PCDH7: variants seen among roughly 807,000 people sequenced by gnomAD.
PCDH7 encodes the protein protocadherin-7.
Under a neutral mutation model 58.9 loss-of-function variants are expected in PCDH7, and 17 were observed. The observed-to-expected ratio is 0.29, with a 90% CI of 0.20 to 0.43. PCDH7 has a LOEUF of 0.43. Among genes scored for constraint, PCDH7 ranks in the 20% least tolerant of loss-of-function variants. The probability of loss-of-function intolerance (pLI) is 1.00; values close to 1 mark genes in which losing one functional copy is unlikely to be tolerated. For synonymous variants in PCDH7, 664 were observed against 616.4 expected (o/e 1.08, Z -1.14); for missense variants, 1,274 against 1,441.0 (o/e 0.88, Z 1.88).
At chr4:30,974,237 T>TC in intron 3 of PCDH7, among the ~76,000 whole-genome samples, 3 of 140,498 alleles carry the variant, frequency 2.1e-5, no homozygotes, top group African/African-American at 8.3e-5. Flanking sequence ...TCTTTCTTTT[T>TC]CTTTCTTTCT....
intron 1 of PCDH7, among the ~76,000 whole-genome samples, chr4:30,790,410 T>C (rs1723964736): frequency 6.6e-6 from 1 of 152,136 alleles, no homozygotes; most frequent in Admixed American, 6.5e-5. Flanking sequence ...GAGGTCACAC[T>C]CAACAGGAGG....
rs397971918 is a variant in PCDH7 at position 30,927,861 on chromosome 4, A to AC, written c.287+7494dup. Among the ~76,000 whole-genome samples the AC allele has an allele frequency of 9.5e-4, 144 of 151,648 alleles. 3 individuals carry two copies. The South Asian group carries it at 0.019, about 20-fold the overall frequency. On this transcript the variant is annotated intron_variant, in intron 2 of 3. Coordinates refer to the PCDH7 transcript ENST00000509759. ...CACCCAAGAATGATCAATAAAAAAA[A>AC]CCAAAAAACAAAAAAACCTTGTGCT...
chr4:30,734,989 T>C (rs1265147309), downstream of PCDH7, among the ~76,000 whole-genome samples: 1 of 152,050 alleles, frequency 6.6e-6, no homozygotes, highest in Non-Finnish European at 1.5e-5. Flanking sequence ...CGGTAGCACA[T>C]GGGCAATTCT....
chr4:30,895,985 T>C (rs1270590227), intron 1 of PCDH7, among the ~76,000 whole-genome samples: 2 of 152,220 alleles, frequency 1.3e-5, no homozygotes, highest in Non-Finnish European at 2.9e-5. Context: ...TCTGGTTCAA[T>C]GTCAAAGGTA....
chr4:31,033,798 T>A (rs1373778909), intron 3 of PCDH7, among the ~76,000 whole-genome samples: 1 of 152,134 alleles, frequency 6.6e-6, no homozygotes, highest in Non-Finnish European at 1.5e-5. Context: ...GTCTTTTATA[T>A]TAGAAACTAT....
chr4:31,036,730 A>G (rs1334687668), intron 3 of PCDH7, among the ~76,000 whole-genome samples: 1 of 152,198 alleles, frequency 6.6e-6, no homozygotes, highest in Non-Finnish European at 1.5e-5. Context: ...TACGACTTTG[A>G]AAATTCCATA....
intron 1 of PCDH7, among the ~76,000 whole-genome samples, chr4:30,801,189 G>A (rs542542710): frequency 6.6e-6 from 1 of 152,264 alleles, no homozygotes; most frequent in Non-Finnish European, 1.5e-5. Flanking sequence ...AGAGAAAATA[G>A]TAATGGATAA....
chr4:30,889,565 C>T (rs7678386), intron 1 of PCDH7, among the ~76,000 whole-genome samples: 117,686 of 152,040 alleles, frequency 0.77, 46,376 homozygotes, highest in African/African-American at 0.94. Context: ...TTTGAGCTAC[C>T]ATAACAAAAT....
At chr4:30,895,774 T>A (rs2109389062) in intron 1 of PCDH7, among the ~76,000 whole-genome samples, 1 of 152,332 alleles carries the variant, frequency 6.6e-6, no homozygotes, top group Non-Finnish European at 1.5e-5. Context: ...GTGGCAAATT[T>A]TCTTTACATT....
intron 2 of PCDH7, among the ~76,000 whole-genome samples, chr4:30,933,039 T>C (rs867360874): frequency 6.6e-6 from 1 of 151,716 alleles, no homozygotes; most frequent in Non-Finnish European, 1.5e-5. Flanking sequence ...CTTTCTTTTT[T>C]TTTTTTGAGA....
intron 1 of PCDH7, among the ~76,000 whole-genome samples, chr4:30,905,454 A>T (rs1265414672): frequency 2.0e-5 from 2 of 99,706 alleles, no homozygotes; most frequent in Admixed American, 1.0e-4. Context: ...GATTATCACA[A>T]TGAGAAAATG....
chr4:30,743,711 CTT>C (rs1717390196), intron 1 of PCDH7, among the ~76,000 whole-genome samples: 1 of 151,532 alleles, frequency 6.6e-6, no homozygotes, highest in African/African-American at 2.4e-5. Context: ...TCTTCTCAAT[CTT>C]TCTCTCTCAT....
At chr4:30,724,327 G>A in exon 1 of PCDH7, 1 of 1,614,098 alleles carries the variant, frequency 6.2e-7, no homozygotes, top group Non-Finnish European at 8.5e-7. Context: ...TAGTGTCAAT[G>A]AGAAGCTGTC....
At chr4:30,962,273 C>A (rs1421373079) in intron 3 of PCDH7, among the ~76,000 whole-genome samples, 1 of 152,092 alleles carries the variant, frequency 6.6e-6, no homozygotes, top group African/African-American at 2.4e-5. Flanking sequence ...GGAAATATGA[C>A]AAAATGATGG....
chr4:30,789,829 C>T (rs1021818183), intron 1 of PCDH7, among the ~76,000 whole-genome samples: 2 of 152,182 alleles, frequency 1.3e-5, no homozygotes, highest in African/African-American at 2.4e-5. Context: ...GAGTTGCAGA[C>T]TTCCACCTAC....
At chr4:30,888,316 GC>G (rs1351860216) in intron 1 of PCDH7, among the ~76,000 whole-genome samples, 2 of 151,964 alleles carry the variant, frequency 1.3e-5, no homozygotes, top group African/African-American at 4.8e-5. Flanking sequence ...AATCTGATAA[GC>G]CTATATATTC....
At chr4:30,979,619 A>G (rs974829630) in intron 3 of PCDH7, among the ~76,000 whole-genome samples, 1 of 151,818 alleles carries the variant, frequency 6.6e-6, no homozygotes, top group Admixed American at 6.6e-5. Flanking sequence ...CATGCATAAT[A>G]TGACATGCAC....
chr4:30,962,800 A>G (rs1046748571), intron 3 of PCDH7, among the ~76,000 whole-genome samples: 1 of 151,390 alleles, frequency 6.6e-6, no homozygotes, highest in Non-Finnish European at 1.5e-5. Flanking sequence ...AAAAAAAAAA[A>G]AAAAACAGTG....
chr4:30,867,000 A>G (rs572022742), intron 1 of PCDH7, among the ~76,000 whole-genome samples: 13 of 152,212 alleles, frequency 8.5e-5, no homozygotes, highest in Non-Finnish European at 1.5e-4. Flanking sequence ...AATGTGAGGT[A>G]GATCTAAGGT....
Sources: gnomAD v4.1 joint callset for allele counts (sites outside exome capture counted in the v4.1 genomes callset) on GRCh38, gnomAD v4.1.1 for gene constraint, MANE v1.5 for transcripts, NCBI Gene and HGNC (gene_info 2026-07-23, HGNC 2026-07-21) for gene names.